The following SHISA9 variants were observed in gnomAD, a reference collection of about 807,000 sequenced individuals.
SHISA9 encodes the protein shisa family member 9.
A neutral mutation model predicts 38.0 loss-of-function variants in SHISA9; 13 were observed. The observed-to-expected ratio is 0.34, with a 90% CI of 0.22 to 0.54. The LOEUF is 0.54. Ranked by LOEUF, SHISA9 falls within the 20% of genes least tolerant of loss-of-function variation. The probability of loss-of-function intolerance (pLI) is 0.91; values close to 1 mark genes in which losing one functional copy is unlikely to be tolerated. For synonymous variants in SHISA9, 275 were observed against 242.0 expected (o/e 1.14, Z -1.27); for missense variants, 538 against 575.8 (o/e 0.93, Z 0.67).
chr16:13,001,847 A>G (rs1045367240), intron 2 of SHISA9, among the ~76,000 whole-genome samples: 1 of 152,156 alleles, frequency 6.6e-6, no homozygotes, highest in Admixed American at 6.6e-5. Flanking sequence ...AAAAATCAAT[A>G]TGGGTTGATG....
chr16:13,347,565 G>C, the SHISA9 span, among the ~76,000 whole-genome samples: 1 of 152,116 alleles, frequency 6.6e-6, no homozygotes, highest in Non-Finnish European at 1.5e-5. Context: ...TCTTTCAAAA[G>C]AGCACTGCAT....
At chr16:13,098,669 C>G (rs902830585) in intron 2 of SHISA9, among the ~76,000 whole-genome samples, 1 of 152,218 alleles carries the variant, frequency 6.6e-6, no homozygotes, top group Non-Finnish European at 1.5e-5. Flanking sequence ...GGCAGGATGT[C>G]CAAAGATTCC....
intron 2 of SHISA9, among the ~76,000 whole-genome samples, chr16:12,949,883 C>T (rs773920621): frequency 6.6e-6 from 1 of 152,088 alleles, no homozygotes; most frequent in Non-Finnish European, 1.5e-5. Flanking sequence ...TCCAAATTTT[C>T]TCTTCTAACT....
At chr16:12,930,233 A>C (rs933543002) in intron 2 of SHISA9, among the ~76,000 whole-genome samples, 3 of 152,234 alleles carry the variant, frequency 2.0e-5, no homozygotes, top group Non-Finnish European at 4.4e-5. Flanking sequence ...TGCTGTCAAC[A>C]TACAATACTG....
At chr16:13,309,870 T>C in the SHISA9 span, among the ~76,000 whole-genome samples, 1 of 150,450 alleles carries the variant, frequency 6.6e-6, no homozygotes, top group African/African-American at 2.4e-5. Context: ...ATTTATTTAT[T>C]TACTTATCTA....
the SHISA9 span, among the ~76,000 whole-genome samples, chr16:13,372,830 CT>C: frequency 4.1e-3 from 618 of 149,234 alleles, 7 homozygotes; most frequent in African/African-American, 0.012. Context: ...GTTTCTTAAC[CT>C]TTTTTTTTTA....
At chr16:13,199,330 G>T (rs2050981700) in intron 2 of SHISA9, among the ~76,000 whole-genome samples, 1 of 152,172 alleles carries the variant, frequency 6.6e-6, no homozygotes, top group Admixed American at 6.5e-5. Context: ...CTCTATGCAC[G>T]AGTCAGCCAA....
At chr16:13,348,920 C>A in the SHISA9 span, among the ~76,000 whole-genome samples, 1 of 152,114 alleles carries the variant, frequency 6.6e-6, no homozygotes, top group Non-Finnish European at 1.5e-5. Context: ...TTGCCTCGGA[C>A]TAACATCCCC....
At chr16:13,259,134 A>G in the SHISA9 span, among the ~76,000 whole-genome samples, 2 of 152,220 alleles carry the variant, frequency 1.3e-5, no homozygotes, top group African/African-American at 4.8e-5. Context: ...AAATACAGCC[A>G]TTCCAAATGG....
In SHISA9 at chr16:13,053,818, A is replaced by G. The variant is rs72784447; in HGVS notation, c.691+137003A>G. Reference sequence around the variant, plus strand: ...ATTCTTCTAGCAGTGAAAATAAAATAGTTTTTCTGTAATAACTCTTGGTGA... The same window carrying G: ...ATTCTTCTAGCAGTGAAAATAAAATGGTTTTTCTGTAATAACTCTTGGTGA... On this transcript the variant is annotated intron_variant, in intron 2 of 4. Transcript: ENST00000558583. Among the ~76,000 whole-genome samples, 1,077 of 152,322 alleles carry G rather than the reference A, an allele frequency of 7.1e-3. 6 individuals carry two copies. The highest frequency in any genetic ancestry group is 0.011 in the Non-Finnish European group (740 of 68,034).
chr16:13,555,786 G>A, the SHISA9 span, among the ~76,000 whole-genome samples: 1 of 151,842 alleles, frequency 6.6e-6, no homozygotes, highest in African/African-American at 2.4e-5. Context: ...CTTAGATGGA[G>A]GGAAGTGGAA....
At chr16:13,269,541 C>G in the SHISA9 span, among the ~76,000 whole-genome samples, 1 of 152,216 alleles carries the variant, frequency 6.6e-6, no homozygotes. Context: ...GCCAAGCAGG[C>G]TCTTCTGCTG....
At chr16:12,955,156 A>G (rs532962598) in intron 2 of SHISA9, among the ~76,000 whole-genome samples, 1 of 151,664 alleles carries the variant, frequency 6.6e-6, no homozygotes, top group East Asian at 1.9e-4. Flanking sequence ...TTCCTGTGGG[A>G]TTGTCTCTGC....
At chr16:13,222,713 C>T (rs1460448354) in intron 4 of SHISA9, among the ~76,000 whole-genome samples, 2 of 151,966 alleles carry the variant, frequency 1.3e-5, no homozygotes, top group East Asian at 3.9e-4. Context: ...ATGTACCATG[C>T]ACTATGCATA....
chr16:13,061,440 C>G (rs184273184), intron 2 of SHISA9, among the ~76,000 whole-genome samples: 7 of 152,316 alleles, frequency 4.6e-5, no homozygotes, highest in African/African-American at 1.4e-4. Context: ...CTTCGTCCGA[C>G]AATCTAAGAT....
chr16:12,916,653 T>G, intron 1 of SHISA9, 35 bp from the exon 2 acceptor site: 3 of 1,541,534 alleles, frequency 1.9e-6, no homozygotes, highest in Non-Finnish European at 2.6e-6. Context: ...TCATTGTGTT[T>G]TGAATGAACA....
At chr16:13,305,630 C>A in the SHISA9 span, among the ~76,000 whole-genome samples, 1 of 152,166 alleles carries the variant, frequency 6.6e-6, no homozygotes, top group Non-Finnish European at 1.5e-5. Flanking sequence ...AACTGCTGTG[C>A]CCTGCCAGCT....
chr16:13,284,681 T>C, the SHISA9 span, among the ~76,000 whole-genome samples: 20 of 152,204 alleles, frequency 1.3e-4, 1 homozygote, highest in East Asian at 1.7e-3. Flanking sequence ...CACTGCAGCC[T>C]CCGCCTCCTG....
the SHISA9 span, among the ~76,000 whole-genome samples, chr16:13,251,515 GA>G: frequency 1.3e-5 from 2 of 152,148 alleles, no homozygotes; most frequent in Non-Finnish European, 2.9e-5. Context: ...GTTGCGGGGA[GA>G]GGGGTATTGG....
Sources: allele counts gnomAD v4.1 joint callset (sites outside exome capture counted in the v4.1 genomes callset), GRCh38; gene constraint gnomAD v4.1.1; transcripts MANE v1.5; gene names NCBI Gene and HGNC (gene_info 2026-07-23, HGNC 2026-07-21).